Variants in BRMS1L observed in about 807,000 individuals in gnomAD.
BRMS1L encodes BRMS1 like transcriptional repressor.
A neutral mutation model predicts 50.3 loss-of-function variants in BRMS1L; 23 were observed. The ratio of observed to expected loss-of-function variants is 0.46; its 90% CI spans 0.33 to 0.65. The LOEUF is 0.65. Ranked by LOEUF, BRMS1L falls within the 30% of genes least tolerant of loss-of-function variation. The probability of loss-of-function intolerance (pLI) is 0.02; values close to 1 mark genes in which losing one functional copy is unlikely to be tolerated. For synonymous variants in BRMS1L, 114 were observed against 126.9 expected (o/e 0.90, Z 0.69); for missense variants, 286 against 386.1 (o/e 0.74, Z 2.17).
rs1278844873 is a variant in BRMS1L, at chr14:35,838,529, GCA to G, written c.441+3607_441+3608del. Among the ~76,000 whole-genome samples, 5 of 152,284 alleles carry G rather than the reference GCA, an allele frequency of 3.3e-5. No individual in the cohort carries two copies. In the East Asian group the frequency reaches 9.6e-4, roughly 29 times the overall value. ...TTCCTATTTCTCCACATCCTCTCCA[GCA>G]TCTGTTGTTTCCTGACTTTTTAATG... is the stretch of plus-strand genomic sequence containing the variant. On this transcript the variant is annotated intron_variant, in intron 4 of 9. Transcript: ENST00000216807.
chr14:35,837,957 G>A (rs2078016079), intron 4 of BRMS1L, among the ~76,000 whole-genome samples: 1 of 152,112 alleles, frequency 6.6e-6, no homozygotes, highest in Admixed American at 6.6e-5. Flanking sequence ...ATGTGCCATG[G>A]TGGTTTGCTG....
chr14:35,846,543 G>A (rs780625999), intron 4 of BRMS1L, among the ~76,000 whole-genome samples: 25 of 151,764 alleles, frequency 1.6e-4, no homozygotes, highest in Non-Finnish European at 3.1e-4. Context: ...AAAATTTCAG[G>A]CCAGTTATTT....
chr14:35,868,030 A>G lies in BRMS1L; in HGVS notation c.852A>G (p.Thr284=), dbSNP rs767657837. 5 of 1,587,892 alleles carry G rather than the reference A, an allele frequency of 3.1e-6. No individual in the cohort carries two copies. Among genetic ancestry groups the G allele is most frequent in the African/African-American group, 2.7e-5 (2 of 73,182 alleles). ...ICIDKKDECP[T]SAVITTINHD... ...TTGATAAAAAAGATGAATGTCCTAC[A>G]AGGTAAAAAAGCCTTTGTTATTTCA... The change falls in exon 9 of 10, where the codon ACA becomes ACG. Residue 284 remains threonine (T), a splice_region_variant and synonymous_variant. Coordinates refer to ENST00000216807, the MANE Select transcript of BRMS1L (RefSeq NM_032352.4).
At chr14:35,831,551 T>C in intron 2 of BRMS1L, 51 bp downstream of exon 2, 1 of 1,342,290 alleles carries the variant, frequency 7.4e-7, no homozygotes, top group Non-Finnish European at 1.1e-6. Flanking sequence ...ACCTTGTCAC[T>C]TGTATACTAG....
intron 9 of BRMS1L, among the ~76,000 whole-genome samples, chr14:35,868,948 A>C (rs976698236): frequency 6.6e-6 from 1 of 152,210 alleles, no homozygotes; most frequent in African/African-American, 2.4e-5. Context: ...ATCATCTTTC[A>C]TTCTCCAGTA....
chr14:35,858,808 T>C (rs2078314058), intron 4 of BRMS1L: 1 of 152,156 alleles, frequency 6.6e-6, no homozygotes, highest in Admixed American at 6.5e-5. Flanking sequence ...ACAGGCTGAT[T>C]GAGTGTCCTC....
rs1159167890 is a variant in BRMS1L, at chr14:35,870,602, G to C, written c.*125G>C. 3.3e-6 allele frequency: 2 copies of C among 607,318 alleles called. No individual in the cohort carries two copies. Among genetic ancestry groups the C allele is most frequent in the African/African-American group, 1.9e-5 (1 of 53,468 alleles). The allele number at this position is 607,318 out of a possible 1,614,324, so 37.6% of individuals were successfully genotyped here. A position where few individuals can be genotyped will look rare whatever the true frequency, so the allele number is the denominator to read the frequency against. ...AATCATGAGAGAATGTGTATTTGTA[G>C]GTAGTACTCTAAATAGATCTCATTG... On this transcript the variant is annotated 3_prime_UTR_variant, in exon 10 of 10. Transcript: ENST00000216807.
intron 5 of BRMS1L, 118 bp from the exon 6 acceptor site, chr14:35,863,752 G>T: frequency 1.3e-6 from 1 of 795,006 alleles, no homozygotes; most frequent in Non-Finnish European, 2.1e-6. Context: ...ATACCCAGCT[G>T]CCAATGAAGT....
At chr14:35,839,850 A>G (rs537142346) in intron 4 of BRMS1L, among the ~76,000 whole-genome samples, 1 of 152,300 alleles carries the variant, frequency 6.6e-6, no homozygotes, top group Admixed American at 6.5e-5. Context: ...TCCTATTTGA[A>G]TACCCTTTAT....
chr14:35,837,915 G>A (rs529268627), intron 4 of BRMS1L, among the ~76,000 whole-genome samples: 4 of 152,122 alleles, frequency 2.6e-5, no homozygotes, highest in Non-Finnish European at 5.9e-5. Context: ...GGATACGTGT[G>A]CAGAATGTGC....
At chr14:35,863,806 G>A (rs2078384604) in intron 5 of BRMS1L, 64 bp from the exon 6 acceptor site, 2 of 1,424,222 alleles carry the variant, frequency 1.4e-6, no homozygotes, top group Non-Finnish European at 1.9e-6. Context: ...CATAAAATTA[G>A]AGTCTTTTTT....
intron 4 of BRMS1L, among the ~76,000 whole-genome samples, chr14:35,835,930 T>TA (rs2077986336): frequency 6.6e-6 from 1 of 152,192 alleles, no homozygotes; most frequent in African/African-American, 2.4e-5. Context: ...TAGACAAGAT[T>TA]ATAGATATAC....
At chr14:35,854,043 T>G (rs2078248050) in intron 4 of BRMS1L, among the ~76,000 whole-genome samples, 1 of 152,178 alleles carries the variant, frequency 6.6e-6, no homozygotes, top group Non-Finnish European at 1.5e-5. Context: ...ATAATACAAG[T>G]TATAGTTGTT....
chr14:35,868,563 G>A (rs2078449921), intron 9 of BRMS1L, among the ~76,000 whole-genome samples: 1 of 152,058 alleles, frequency 6.6e-6, no homozygotes, highest in African/African-American at 2.4e-5. Flanking sequence ...GGCAGGATTG[G>A]GTGAGGCCAG....
At chr14:35,854,733 A>T (rs113736773) in intron 4 of BRMS1L, among the ~76,000 whole-genome samples, 158 of 152,222 alleles carry the variant, frequency 1.0e-3, no homozygotes, top group African/African-American at 3.6e-3. Flanking sequence ...TTCCTATGTT[A>T]TGATTCTGAC....
chr14:35,862,037 G>A (rs1171330610), intron 4 of BRMS1L, among the ~76,000 whole-genome samples: 1 of 152,062 alleles, frequency 6.6e-6, no homozygotes. Flanking sequence ...CTATGGTTTT[G>A]TAGAAAGATT....
At chr14:35,826,713 G>T in intron 1 of BRMS1L, 55 bp downstream of exon 1, 5 of 1,592,864 alleles carry the variant, frequency 3.1e-6, no homozygotes, top group Non-Finnish European at 4.3e-6. Flanking sequence ...GCGACAGGCC[G>T]CTCTCCGCAC....
chr14:35,844,858 A>C (rs2078113352), intron 4 of BRMS1L, among the ~76,000 whole-genome samples: 1 of 152,124 alleles, frequency 6.6e-6, no homozygotes, highest in Non-Finnish European at 1.5e-5. Context: ...GCCACCTTAC[A>C]TACCTCTCTT....
intron 4 of BRMS1L, among the ~76,000 whole-genome samples, chr14:35,853,057 A>C (rs2078234211): frequency 6.6e-6 from 1 of 151,770 alleles, no homozygotes; most frequent in Non-Finnish European, 1.5e-5. Context: ...ACATTTTAGA[A>C]TTTTTATATC....
Sources: allele counts gnomAD v4.1 joint callset (sites outside exome capture counted in the v4.1 genomes callset), GRCh38; gene constraint gnomAD v4.1.1; transcripts MANE v1.5; gene names NCBI Gene and HGNC (gene_info 2026-07-23, HGNC 2026-07-21).